The following DCBLD2 variants were observed in gnomAD, a reference collection of about 807,000 sequenced individuals.
DCBLD2 encodes the protein discoidin, CUB and LCCL domain containing 2, also known as discoidin, CUB and LCCL domain-containing protein 2.
A neutral mutation model predicts 86.8 loss-of-function variants in DCBLD2; 54 were observed. The observed-to-expected ratio is 0.62, with a 90% CI of 0.50 to 0.78. The LOEUF (loss-of-function observed/expected upper bound fraction) is 0.78. DCBLD2 is among the 30% of genes least tolerant of loss of function. DCBLD2 has a pLI of 0.00. For synonymous variants in DCBLD2, 354 were observed against 341.3 expected (o/e 1.04, Z -0.41); for missense variants, 908 against 954.2 (o/e 0.95, Z 0.64).
chr3:98,801,721 A>G, intron 13 of DCBLD2, 72 bp from the exon 14 acceptor site: 2 of 1,159,750 alleles, frequency 1.7e-6, no homozygotes. Context: ...CTACCCCATG[A>G]CAGGCCTTGG....
At chr3:98,880,602 G>A (rs1236806900) in intron 2 of DCBLD2, among the ~76,000 whole-genome samples, 2 of 152,090 alleles carry the variant, frequency 1.3e-5, no homozygotes, top group East Asian at 1.9e-4. Context: ...TACTACTTAG[G>A]TGGCTCTAAT....
chr3:98,816,339 G>A (rs1411460854), intron 9 of DCBLD2: 1 of 151,474 alleles, frequency 6.6e-6, no homozygotes, highest in African/African-American at 2.4e-5. Context: ...ATCTTTTTCA[G>A]AAATATCATT....
intron 2 of DCBLD2, among the ~76,000 whole-genome samples, chr3:98,881,267 A>AAAAAAAAAAAAC (rs1943464897): frequency 1.6e-5 from 1 of 62,662 alleles, no homozygotes; most frequent in Admixed American, 2.0e-4. Flanking sequence ...AAAAAAAAAC[A>AAAAAAAAAAAAC]AAAAAAAAAA....
At chr3:98,801,382 C>A (rs187868894) in intron 14 of DCBLD2, 42 of 458,344 alleles carry the variant, frequency 9.2e-5, no homozygotes, top group East Asian at 6.4e-4. Context: ...AAGAACAGAG[C>A]TTGTTTTAAG....
intron 3 of DCBLD2, among the ~76,000 whole-genome samples, chr3:98,845,567 T>C (rs1368909359): frequency 6.6e-6 from 1 of 152,220 alleles, no homozygotes; most frequent in Non-Finnish European, 1.5e-5. Flanking sequence ...CTTACTTTTA[T>C]TTGACCCGCT....
chr3:98,863,495 G>A (rs936778864), intron 2 of DCBLD2, among the ~76,000 whole-genome samples: 30 of 152,150 alleles, frequency 2.0e-4, no homozygotes, highest in Non-Finnish European at 3.7e-4. Context: ...AAACAGCATG[G>A]TACTGGGACC....
chr3:98,873,245 AAG>A (rs1445423395), intron 2 of DCBLD2, among the ~76,000 whole-genome samples: 3 of 152,140 alleles, frequency 2.0e-5, no homozygotes, highest in African/African-American at 7.2e-5. Flanking sequence ...ACAGCAAAGA[AAG>A]AGAAAGAACC....
chr3:98,857,002 G>A (rs557220728), intron 2 of DCBLD2, among the ~76,000 whole-genome samples: 26 of 152,266 alleles, frequency 1.7e-4, no homozygotes, highest in African/African-American at 3.4e-4. Context: ...GAACGAAGCC[G>A]CAGACCCTCG....
intron 1 of DCBLD2, 75 bp from the exon 2 acceptor site, chr3:98,881,842 A>T: frequency 7.1e-7 from 1 of 1,401,632 alleles, no homozygotes; most frequent in Non-Finnish European, 9.8e-7. Flanking sequence ...TTTTGTGAAG[A>T]TTTAAAAATA....
intron 3 of DCBLD2, among the ~76,000 whole-genome samples, chr3:98,844,034 G>GCACACACACA (rs10574415): frequency 0.13 from 18,446 of 145,492 alleles, 1,201 homozygotes; most frequent in Middle Eastern, 0.19. Flanking sequence ...AATCATGCAT[G>GCACACACACA]CACACACACA....
At chr3:98,808,268 ATTT>A (rs1312187242) in intron 12 of DCBLD2, 94 bp from the exon 13 acceptor site, 1 of 1,067,822 alleles carries the variant, frequency 9.4e-7, no homozygotes, top group African/African-American at 1.6e-5. Flanking sequence ...ATCTTTCAAC[ATTT>A]TTCTACCTCA....
At position 98,889,458 on chromosome 3, in the gene DCBLD2, C is replaced by T. The variant is rs76214116; in HGVS notation, c.206-7691G>A. 3.6e-3 allele frequency among the ~76,000 whole-genome samples: 544 copies of T among 152,074 alleles called. 5 individuals carry two copies. The highest frequency in any genetic ancestry group is 9.6e-3 in the African/African-American group (397 of 41,512). On this transcript the variant is annotated intron_variant, in intron 1 of 15. Transcript: ENST00000326840. ...TAGGGTAAAAAAAAAGTGTGCAGCA[C>T]ATCCTTTAAATGTCATAAAAAGCAA...
chr3:98,881,756 C>G lies in DCBLD2; in HGVS notation c.217G>C (p.Gly73Arg). ...CTCTCAGGGCCTAGTACAGTGTGTC[C>G]ACATCCATCACCTTTAAAAAAAGTG... ...DAGAQQGDGC[G>R]HTVLGPESGT... Residue 73 changes from glycine to arginine, a missense_variant, in exon 2 of 16, where the codon GGA (glycine) becomes CGA (arginine). By Grantham distance (125) the Gly-to-Arg change is moderately radical (BLOSUM62 -2). Around this residue, in one of 3 missense-constraint regions of DCBLD2, gnomAD observed 294 missense variants for 256.0 expected, o/e 1.15. Coordinates refer to ENST00000326840, the MANE Select transcript of DCBLD2 (RefSeq NM_080927.4). The G allele has an allele frequency of 6.2e-7, 1 of 1,604,432 alleles. No individual in the cohort carries two copies. Among genetic ancestry groups the G allele is most frequent in the East Asian group, 2.2e-5 (1 of 44,652 alleles).
rs115496019 is a variant in DCBLD2, at chr3:98,868,435, A to T, written c.433+13105T>A. 9.6e-3 allele frequency among the ~76,000 whole-genome samples: 1,461 copies of T among 152,314 alleles called. 20 individuals carry two copies. The highest frequency in any genetic ancestry group is 0.016 in the Admixed American group (252 of 15,306). On this transcript the variant is annotated intron_variant, in intron 2 of 15. Coordinates refer to ENST00000326840, the MANE Select transcript of DCBLD2 (RefSeq NM_080927.4). ...GATTTGGACATGGTTTGTCCCCATG[A>T]AATCTCATGTTGAAATTTATTTATA...
intron 2 of DCBLD2, among the ~76,000 whole-genome samples, chr3:98,860,175 A>T (rs1311322591): frequency 1.3e-5 from 2 of 152,324 alleles, no homozygotes; most frequent in Non-Finnish European, 2.9e-5. Flanking sequence ...ATTTGGAGAA[A>T]AAAGACTAAA....
Position 98,901,522 on chromosome 3 carries a change from C to T in DCBLD2, c.-196G>A, listed in dbSNP as rs965229657. 4.4e-6 allele frequency: 2 copies of T among 454,306 alleles called. No homozygotes were observed. Among genetic ancestry groups the T allele is most frequent in the Non-Finnish European group, 7.0e-6 (2 of 286,690 alleles). 28.1% of individuals were successfully genotyped at this position (454,306 alleles called of 1,614,324 possible). Reference sequence around the variant, plus strand: ...TCCTTCGTCCCTTCCCTCCGCTCCCCGCGCCGAGACCCCAGGCCGGAGCGC... The same window carrying T: ...TCCTTCGTCCCTTCCCTCCGCTCCCTGCGCCGAGACCCCAGGCCGGAGCGC... On this transcript the variant is annotated 5_prime_UTR_variant, in exon 1 of 16. Coordinates refer to ENST00000326840, the MANE Select transcript of DCBLD2 (RefSeq NM_080927.4).
At chr3:98,862,291 C>T (rs1943058343) in intron 2 of DCBLD2, among the ~76,000 whole-genome samples, 1 of 152,268 alleles carries the variant, frequency 6.6e-6, no homozygotes, top group Admixed American at 6.5e-5. Flanking sequence ...ACCAGAGGTA[C>T]AAGGAGGAGC....
chr3:98,842,962 C>CA (rs1287508286), intron 3 of DCBLD2, among the ~76,000 whole-genome samples: 1 of 151,894 alleles, frequency 6.6e-6, no homozygotes, highest in Non-Finnish European at 1.5e-5. Flanking sequence ...CCTAATATGC[C>CA]AAAAAAATTA....
At chr3:98,877,302 AT>A (rs1420069794) in intron 2 of DCBLD2, among the ~76,000 whole-genome samples, 1 of 152,174 alleles carries the variant, frequency 6.6e-6, no homozygotes, top group African/African-American at 2.4e-5. Flanking sequence ...AGCCTAAAGA[AT>A]TTTTTAATGT....
Sources: gnomAD v4.1 joint callset for allele counts (sites outside exome capture counted in the v4.1 genomes callset) on GRCh38, gnomAD v4.1.1 for gene constraint, gnomAD v4.1.1 regional missense constraint, MANE v1.5 for transcripts, NCBI Gene and HGNC (gene_info 2026-07-23, HGNC 2026-07-21) for gene names.